ULK4: variants seen among roughly 807,000 people sequenced by gnomAD.
ULK4 encodes the protein inactive serine/threonine-protein kinase ULK4.
A neutral mutation model predicts 160.6 loss-of-function variants in ULK4; 133 were observed. The ratio of observed to expected loss-of-function variants is 0.83; its 90% CI spans 0.72 to 0.96. The LOEUF (loss-of-function observed/expected upper bound fraction) is 0.96, where lower values mean the gene tolerates loss of function less well. Ranked by LOEUF, ULK4 falls within the 40% of genes least tolerant of loss-of-function variation. The probability of loss-of-function intolerance (pLI) is 0.00; values close to 1 mark genes in which losing one functional copy is unlikely to be tolerated. For synonymous variants in ULK4, 534 were observed against 539.8 expected (o/e 0.99, Z 0.15); for missense variants, 1,580 against 1,499.5 (o/e 1.05, Z -0.89).
At position 41,663,476 on chromosome 3, in the gene ULK4, CTT is replaced by C. The variant is rs996940331; in HGVS notation, c.3071+129_3071+130del. On this transcript the variant is annotated intron_variant, in intron 30 of 36. Coordinates refer to ENST00000301831, the MANE Select transcript of ULK4 (RefSeq NM_017886.4). ...ATGACAGATATTACAATCCATGAAA[CTT>C]AAAAAAATGACGATTTTGACAACTC... 7 of 799,198 alleles carry C rather than the reference CTT, an allele frequency of 8.8e-6. No individual in the cohort carries two copies. The African/African-American group carries it at 1.2e-4, about 14-fold the overall frequency. The allele number at this position is 799,198 out of a possible 1,614,324, so 49.5% of individuals were successfully genotyped here.
At chr3:41,856,608 TATATATACAC>T (rs1186143886) in intron 17 of ULK4, among the ~76,000 whole-genome samples, 6 of 84,208 alleles carry the variant, frequency 7.1e-5, no homozygotes, top group Admixed American at 2.2e-4. Flanking sequence ...TATATGTGTA[TATATATACAC>T]ATATATATAT....
chr3:41,873,262 T>C (rs1205927412), intron 17 of ULK4, among the ~76,000 whole-genome samples: 1 of 148,550 alleles, frequency 6.7e-6, no homozygotes, highest in Non-Finnish European at 1.5e-5. Flanking sequence ...CCCATTTTTC[T>C]AAAAGGATAG....
intron 27 of ULK4, among the ~76,000 whole-genome samples, chr3:41,700,860 G>A (rs1375980458): frequency 6.6e-6 from 1 of 151,984 alleles, no homozygotes; most frequent in East Asian, 1.9e-4. Context: ...ACAGGGAACA[G>A]GAAATCATAA....
chr3:41,566,244 T>A, intron 31 of ULK4, 114 bp from the exon 32 acceptor site: 2 of 848,046 alleles, frequency 2.4e-6, no homozygotes, highest in Non-Finnish European at 3.7e-6. Flanking sequence ...GTTAAATGAT[T>A]ACCTTTTTGC....
chr3:41,604,456 GA>G (rs2032270172), intron 31 of ULK4, among the ~76,000 whole-genome samples: 1 of 152,074 alleles, frequency 6.6e-6, no homozygotes, highest in Non-Finnish European at 1.5e-5. Context: ...AAGCTTATGT[GA>G]CACATATAGA....
At chr3:41,574,451 G>A (rs1009692873) in intron 31 of ULK4, among the ~76,000 whole-genome samples, 13 of 150,284 alleles carry the variant, frequency 8.7e-5, no homozygotes, top group African/African-American at 2.4e-4. Context: ...TCAGGCAATT[G>A]GCATCCTTAG....
chr3:41,652,502 A>T (rs772993254), intron 30 of ULK4, among the ~76,000 whole-genome samples: 1 of 152,232 alleles, frequency 6.6e-6, no homozygotes, highest in Non-Finnish European at 1.5e-5. Context: ...GAGGGATATC[A>T]GCCCTATCAG....
intron 35 of ULK4, among the ~76,000 whole-genome samples, chr3:41,375,410 T>C (rs1213563445): frequency 6.7e-6 from 1 of 150,120 alleles, no homozygotes; most frequent in East Asian, 2.1e-4. Context: ...CAAAACGGCA[T>C]GGTACTGGTA....
chr3:41,644,846 T>C (rs2125725713), intron 30 of ULK4, among the ~76,000 whole-genome samples: 1 of 152,340 alleles, frequency 6.6e-6, no homozygotes, highest in Middle Eastern at 3.4e-3. Context: ...GTTGGTAAGC[T>C]ATTGATTATT....
chr3:41,356,528 C>A (rs2081032837), intron 35 of ULK4, among the ~76,000 whole-genome samples: 1 of 152,198 alleles, frequency 6.6e-6, no homozygotes, highest in African/African-American at 2.4e-5. Context: ...AAACATTCCA[C>A]GCCTCACAAG....
At chr3:41,300,837 T>TCATA (rs1553640531) in intron 35 of ULK4, among the ~76,000 whole-genome samples, 1 of 57,868 alleles carries the variant, frequency 1.7e-5, no homozygotes, top group Non-Finnish European at 4.0e-5. Flanking sequence ...ATTTTACAGA[T>TCATA]TATATATATA....
intron 29 of ULK4, among the ~76,000 whole-genome samples, chr3:41,678,172 T>C (rs188459691): frequency 1.5e-5 from 2 of 137,688 alleles, no homozygotes; most frequent in African/African-American, 5.5e-5. Flanking sequence ...TAAATCTTTA[T>C]TTCATACACA....
At chr3:41,361,826 G>A (rs1463663027) in intron 35 of ULK4, among the ~76,000 whole-genome samples, 1 of 152,046 alleles carries the variant, frequency 6.6e-6, no homozygotes, top group Non-Finnish European at 1.5e-5. Flanking sequence ...TAGAATTTTG[G>A]TATTGTTTCT....
rs1028704623 is a variant in ULK4, at chr3:41,246,933, T to G, written c.3824A>C (p.His1275Pro). The G allele has an allele frequency of 3.1e-6, 5 of 1,613,818 alleles. No individual in the cohort carries two copies. The highest frequency in any genetic ancestry group is 4.2e-6 in the Non-Finnish European group (5 of 1,179,884). ...LALEILQAVGH is the reference protein window; with the variant it reads ...LALEILQAVGP Reference sequence around the variant, plus strand: ...TTGTGCTAAGCACCTTCTTGCCTAGTGCCCAACGGCTTGGAGGATTTCCAG... The same window carrying G: ...TTGTGCTAAGCACCTTCTTGCCTAGGGCCCAACGGCTTGGAGGATTTCCAG... The change falls in exon 37 of 37, where the codon CAC (histidine) becomes CCC (proline). Residue 1275 changes from histidine (H) to proline (P), a missense_variant. Transcript: ENST00000301831.
intron 17 of ULK4, among the ~76,000 whole-genome samples, chr3:41,858,670 AT>A (rs755950925): frequency 1.5e-3 from 204 of 133,264 alleles, no homozygotes; most frequent in Admixed American, 1.7e-3. Flanking sequence ...TTTTTGTGTG[AT>A]TTTTTTTTTT....
intron 35 of ULK4, among the ~76,000 whole-genome samples, chr3:41,339,494 G>A (rs771926500): frequency 9.2e-5 from 14 of 152,094 alleles, no homozygotes; most frequent in Non-Finnish European, 1.8e-4. Flanking sequence ...ACTGTGCTCC[G>A]TTTCCTCCCC....
At chr3:41,636,784 G>A (rs769838695) in intron 30 of ULK4, among the ~76,000 whole-genome samples, 1 of 149,548 alleles carries the variant, frequency 6.7e-6, no homozygotes, top group Non-Finnish European at 1.5e-5. Flanking sequence ...AGTCCCCAGA[G>A]TGTGATTGTT....
At chr3:41,474,804 G>A (rs1172666748) in intron 32 of ULK4, among the ~76,000 whole-genome samples, 1 of 134,174 alleles carries the variant, frequency 7.5e-6, no homozygotes, top group Non-Finnish European at 1.5e-5. Context: ...CCTTACATCT[G>A]TCAGAATGAT....
At chr3:41,369,694 T>A (rs74524055) in intron 35 of ULK4, among the ~76,000 whole-genome samples, 5,496 of 150,880 alleles carry the variant, frequency 0.036, 271 homozygotes, top group East Asian at 0.19. Flanking sequence ...CTCAGGAGGC[T>A]GAGGAATGAG....
Sources: gnomAD v4.1 joint callset for allele counts (sites outside exome capture counted in the v4.1 genomes callset) on GRCh38, gnomAD v4.1.1 for gene constraint, MANE v1.5 for transcripts, NCBI Gene and HGNC (gene_info 2026-07-23, HGNC 2026-07-21) for gene names.